NSG1: variants seen among roughly 807,000 people sequenced by gnomAD.
The protein encoded by NSG1 is neuronal vesicle trafficking-associated protein 1.
NSG1 carries 9 observed loss-of-function variants against 19.3 expected under a neutral mutation model. The ratio of observed to expected loss-of-function variants is 0.47; its 90% CI spans 0.28 to 0.81. The LOEUF is 0.81. Among genes scored for constraint, NSG1 ranks in the 40% least tolerant of loss-of-function variants. The pLI is 0.11. For synonymous variants in NSG1, 104 were observed against 107.0 expected, an observed-to-expected ratio of 0.97 and a Z score of 0.17; for missense variants, 236 against 242.4, an observed-to-expected ratio of 0.97 and a Z score of 0.18.
At chr4:4,389,742 T>A (rs1212084030) in intron 2 of NSG1, among the ~76,000 whole-genome samples, 1 of 152,094 alleles carries the variant, frequency 6.6e-6, no homozygotes, top group East Asian at 1.9e-4. Flanking sequence ...TGAGAATCTG[T>A]TCTGAGAACG....
intron 2 of NSG1, among the ~76,000 whole-genome samples, chr4:4,389,410 G>A (rs1276076973): frequency 6.6e-6 from 1 of 152,158 alleles, no homozygotes; most frequent in East Asian, 1.9e-4. Flanking sequence ...CTTCCCGCCG[G>A]GACTGAGTGT....
chr4:4,400,730 A>G (rs762320318), intron 3 of NSG1, among the ~76,000 whole-genome samples: 15 of 152,224 alleles, frequency 9.9e-5, no homozygotes, highest in Non-Finnish European at 2.2e-4. Context: ...ACCAATGCAT[A>G]CCAGGTGTTT....
At chr4:4,414,965 A>G (rs2108756456) in intron 4 of NSG1, among the ~76,000 whole-genome samples, 1 of 151,480 alleles carries the variant, frequency 6.6e-6, no homozygotes, top group Non-Finnish European at 1.5e-5. Flanking sequence ...AAAAAACAAC[A>G]ACAACATGAA....
intron 4 of NSG1, among the ~76,000 whole-genome samples, chr4:4,413,461 T>A (rs1724334888): frequency 6.6e-6 from 1 of 150,846 alleles, no homozygotes; most frequent in Admixed American, 6.6e-5. Context: ...TTTTGGAGGC[T>A]GAGAGGACAC....
At chr4:4,409,823 G>A in intron 4 of NSG1, 140 bp downstream of exon 4, 2 of 686,874 alleles carry the variant, frequency 2.9e-6, no homozygotes, top group Non-Finnish European at 5.1e-6. Context: ...AGTGTCAGGA[G>A]TGTCCCTGTG....
chr4:4,391,802 T>A (rs1431829133), intron 3 of NSG1, among the ~76,000 whole-genome samples: 1 of 152,222 alleles, frequency 6.6e-6, no homozygotes, highest in Non-Finnish European at 1.5e-5. Context: ...TCCAAAATGA[T>A]CACATATTAC....
At chr4:4,416,091 C>CCACT in intron 4 of NSG1, 1 of 702,360 alleles carries the variant, frequency 1.4e-6, no homozygotes, top group East Asian at 2.7e-5. Context: ...TTTACTTGAG[C>CCACT]CACTGTGCAT....
chr4:4,407,361 T>C (rs1042969557), intron 3 of NSG1, among the ~76,000 whole-genome samples: 2 of 151,866 alleles, frequency 1.3e-5, no homozygotes, highest in African/African-American at 2.4e-5. Context: ...ACAGGTCTCA[T>C]TGGAGTTGTA....
intron 3 of NSG1, among the ~76,000 whole-genome samples, chr4:4,406,307 G>A (rs897191101): frequency 2.0e-5 from 3 of 152,278 alleles, no homozygotes; most frequent in Non-Finnish European, 2.9e-5. Flanking sequence ...GATTACAGGC[G>A]TGAGCCACCA....
chr4:4,386,692 C>T (rs1722728634), upstream of NSG1: 1 of 152,266 alleles, frequency 6.6e-6, no homozygotes, highest in Admixed American at 6.5e-5. Context: ...CCTCCCCGCA[C>T]CCCTGGGGGT....
chr4:4,405,473 G>C (rs1435011970), intron 3 of NSG1, among the ~76,000 whole-genome samples: 1 of 152,156 alleles, frequency 6.6e-6, no homozygotes, highest in Non-Finnish European at 1.5e-5. Flanking sequence ...AGGGTGTAAG[G>C]CATGGTTCCC....
In NSG1 at chr4:4,391,460, T is replaced by C. The variant is rs1459599887; in HGVS notation, c.130-15T>C. 1 of 1,584,606 alleles carries C rather than the reference T, an allele frequency of 6.3e-7. No homozygotes were observed. Among genetic ancestry groups the C allele is most frequent in the Non-Finnish European group, 8.6e-7 (1 of 1,159,588 alleles). On this transcript the variant is annotated splice_polypyrimidine_tract_variant and intron_variant, in intron 2 of 4. Transcript: ENST00000621129. ...TGAATGCATCTGACTTTTGTTTCTC[T>C]GTTTCCTGGATAAGGTGGTCGTGAA...
In NSG1 at chr4:4,417,259, T is replaced by C. The variant is rs1724608265; in HGVS notation, c.382T>C (p.Leu128=). Residue 128 remains leucine, a synonymous_variant, in exon 5 of 5, where the codon TTG becomes CTG. Transcript: ENST00000621129. ...LKNTQCIPEG[L]ESYYAEQDSS... ...GAACACCCAGTGCATCCCAGAAGGC[T>C]TGGAGAGCTACTACGCGGAGCAAGA... 1 of 1,614,118 alleles carries C rather than the reference T, an allele frequency of 6.2e-7. No homozygotes were observed. The highest frequency in any genetic ancestry group is 1.3e-5 in the African/African-American group (1 of 75,042).
intron 3 of NSG1, among the ~76,000 whole-genome samples, chr4:4,402,754 G>A (rs892564100): frequency 6.6e-6 from 1 of 152,174 alleles, no homozygotes; most frequent in Non-Finnish European, 1.5e-5. Context: ...CGGTGGGCCC[G>A]GGTGTGGGCC....
chr4:4,417,186 C>CA, intron 4 of NSG1, 49 bp from the exon 5 acceptor site: 4 of 1,530,944 alleles, frequency 2.6e-6, no homozygotes, highest in Admixed American at 1.7e-5. Flanking sequence ...GACACACTGG[C>CA]ACCCCCTCTT....
rs544900167 is a variant in NSG1, at chr4:4,396,233, G to A, written c.246+4642G>A. Reference sequence around the variant, plus strand: ...AGAGTGGCGGGTCGGGGCTGCTGGGGCCGCTGCTTGCAGTTCTCCTTCCGG... The same window carrying A: ...AGAGTGGCGGGTCGGGGCTGCTGGGACCGCTGCTTGCAGTTCTCCTTCCGG... On this transcript the variant is annotated intron_variant, in intron 3 of 4. Transcript: ENST00000621129. Among the ~76,000 whole-genome samples, 3 of 152,300 alleles carry A rather than the reference G, an allele frequency of 2.0e-5. No homozygotes were observed. The South Asian group carries it at 6.2e-4, about 32-fold the overall frequency.
chr4:4,387,310 A>AGGACCGG, intron 1 of NSG1, 137 bp downstream of exon 1: 1 of 303,654 alleles, frequency 3.3e-6, no homozygotes, highest in Non-Finnish European at 6.1e-6. Context: ...CGGCGGCCCC[A>AGGACCGG]GGACCGGGGA....
At chr4:4,399,332 G>A (rs1284694789) in intron 3 of NSG1, among the ~76,000 whole-genome samples, 1 of 152,032 alleles carries the variant, frequency 6.6e-6, no homozygotes, top group African/African-American at 2.4e-5. Flanking sequence ...TTGTAGAGAT[G>A]GGGTTTCACT....
chr4:4,415,906 C>G (rs1161770981), intron 4 of NSG1: 2 of 571,514 alleles, frequency 3.5e-6, no homozygotes, highest in Admixed American at 3.0e-5. Flanking sequence ...GAGCCTCCTT[C>G]CTGATGCACG....
Sources: allele counts gnomAD v4.1 joint callset (sites outside exome capture counted in the v4.1 genomes callset), GRCh38; gene constraint gnomAD v4.1.1; transcripts MANE v1.5; gene names NCBI Gene and HGNC (gene_info 2026-07-23, HGNC 2026-07-21).